Variants in SULT2B1 observed in about 807,000 individuals in gnomAD.
SULT2B1 encodes the protein sulfotransferase 2B1.
In SULT2B1, 16 loss-of-function variants were observed where a neutral mutation model predicts 33.2. The ratio of observed to expected loss-of-function variants is 0.48; its 90% CI spans 0.33 to 0.73. The LOEUF (loss-of-function observed/expected upper bound fraction) is 0.73, where lower values mean the gene tolerates loss of function less well. SULT2B1 is among the 30% of genes least tolerant of loss of function. The pLI is 0.02. For missense variants in SULT2B1, 500 were observed against 506.0 expected, an observed-to-expected ratio of 0.99 and a Z score of 0.11; for synonymous variants, 186 against 200.5, an observed-to-expected ratio of 0.93 and a Z score of 0.61.
intron 3 of SULT2B1, among the ~76,000 whole-genome samples, chr19:48,590,926 C>T (rs1307266294): frequency 6.6e-6 from 1 of 151,930 alleles, no homozygotes; most frequent in Non-Finnish European, 1.5e-5. Context: ...CTCGACCTCC[C>T]GGGCTCAAGT....
At chr19:48,591,842 A>G in intron 4 of SULT2B1, 107 bp downstream of exon 4, 1 of 1,346,678 alleles carries the variant, frequency 7.4e-7, no homozygotes, top group Non-Finnish European at 9.8e-7. Context: ...ACAGAGACAC[A>G]GGGCATCAAA....
chr19:48,598,735 T>A (rs550400043), intron 6 of SULT2B1, among the ~76,000 whole-genome samples: 2 of 151,890 alleles, frequency 1.3e-5, no homozygotes, highest in African/African-American at 4.8e-5. Context: ...CATGGAGCGT[T>A]GTGGGGGCAT....
intron 1 of SULT2B1, among the ~76,000 whole-genome samples, chr19:48,563,192 G>A (rs1973202517): frequency 6.6e-6 from 1 of 152,094 alleles, no homozygotes; most frequent in African/African-American, 2.4e-5. Flanking sequence ...TAGGATTACA[G>A]GGGACTGAGC....
At chr19:48,583,521 AAAGG>A (rs1382017884) in intron 2 of SULT2B1, among the ~76,000 whole-genome samples, 2 of 152,232 alleles carry the variant, frequency 1.3e-5, no homozygotes, top group Admixed American at 6.6e-5. Flanking sequence ...TCAGCTGTAA[AAAGG>A]AAGGAAATTC....
chr19:48,587,896 A>C (rs1973588746), intron 3 of SULT2B1, among the ~76,000 whole-genome samples: 5 of 7,070 alleles, frequency 7.1e-4, no homozygotes, highest in South Asian at 5.0e-3. Context: ...GTCTCAAAAA[A>C]AAAAAAAAAA....
chr19:48,577,588 TCTCTTGAC>T (rs1231035909), intron 2 of SULT2B1, among the ~76,000 whole-genome samples: 1 of 151,590 alleles, frequency 6.6e-6, no homozygotes, highest in African/African-American at 2.4e-5. Context: ...ATGGTCTTGA[TCTCTTGAC>T]CTCTTGATCT....
intron 3 of SULT2B1, among the ~76,000 whole-genome samples, chr19:48,587,814 G>A (rs566496669): frequency 1.5e-5 from 2 of 137,218 alleles, no homozygotes; most frequent in South Asian, 4.7e-4. Flanking sequence ...GATCACTTGA[G>A]CCCAGCAGGT....
chr19:48,588,620 T>C (rs1435523000), intron 3 of SULT2B1, among the ~76,000 whole-genome samples: 3 of 149,964 alleles, frequency 2.0e-5, no homozygotes, highest in Admixed American at 6.7e-5. Context: ...AATAACATAA[T>C]GCAATATAAT....
At chr19:48,576,215 C>A (rs1973404182) in intron 2 of SULT2B1, 132 bp downstream of exon 2, 2 of 746,948 alleles carry the variant, frequency 2.7e-6, no homozygotes, top group Non-Finnish European at 4.2e-6. Flanking sequence ...GGTGCCCCTG[C>A]CAGAAGTAGC....
intron 3 of SULT2B1, 85 bp from the exon 4 acceptor site, chr19:48,591,524 G>A: frequency 6.8e-7 from 1 of 1,468,326 alleles, no homozygotes; most frequent in Admixed American, 2.2e-5. Context: ...TCAGAAGAGA[G>A]GGGTCTCCAG....
intron 3 of SULT2B1, among the ~76,000 whole-genome samples, chr19:48,589,686 G>A (rs1973617611): frequency 6.6e-6 from 1 of 152,212 alleles, no homozygotes; most frequent in South Asian, 2.1e-4. Flanking sequence ...AGGGGGCCGG[G>A]CGCGGTGGCT....
At chr19:48,588,846 G>T (rs1314697068) in intron 3 of SULT2B1, among the ~76,000 whole-genome samples, 2 of 152,086 alleles carry the variant, frequency 1.3e-5, no homozygotes, top group South Asian at 4.2e-4. Context: ...CCCTGAGGTG[G>T]GTGTATCTGA....
chr19:48,566,545 A>G (rs1973245100), intron 1 of SULT2B1, among the ~76,000 whole-genome samples: 1 of 152,152 alleles, frequency 6.6e-6, no homozygotes, highest in South Asian at 2.1e-4. Context: ...TAAAAATACA[A>G]AAATTCGAGG....
chr19:48,596,955 A>G, intron 6 of SULT2B1, 36 bp downstream of exon 6: 1 of 1,533,550 alleles, frequency 6.5e-7, no homozygotes, highest in Non-Finnish European at 8.7e-7. Flanking sequence ...CCACTAGGCC[A>G]CTGCCCGGCT....
intron 1 of SULT2B1, among the ~76,000 whole-genome samples, chr19:48,554,463 C>T (rs1402064979): frequency 1.6e-4 from 22 of 141,886 alleles, no homozygotes; most frequent in Non-Finnish European, 3.1e-4. Context: ...GACTCTCTGC[C>T]CTGGTTCTTC....
chr19:48,556,030 G>T, intron 1 of SULT2B1, among the ~76,000 whole-genome samples: 1 of 152,166 alleles, frequency 6.6e-6, no homozygotes, highest in East Asian at 1.9e-4. Context: ...GTGAGCCACC[G>T]CGCCCGGCCT....
intron 5 of SULT2B1, chr19:48,595,826 C>A (rs1045493444): frequency 1.3e-5 from 2 of 152,100 alleles, no homozygotes; most frequent in African/African-American, 4.8e-5. Flanking sequence ...GCCACCACAC[C>A]CAGCTAATTT....
intron 1 of SULT2B1, among the ~76,000 whole-genome samples, chr19:48,565,476 T>A (rs1973232733): frequency 6.6e-6 from 1 of 151,426 alleles, no homozygotes. Flanking sequence ...ACCTCCCAGA[T>A]TCAAGCGATT....
At chr19:48,565,500 C>T (rs759033582) in intron 1 of SULT2B1, among the ~76,000 whole-genome samples, 1 of 151,932 alleles carries the variant, frequency 6.6e-6, no homozygotes, top group Non-Finnish European at 1.5e-5. Flanking sequence ...CTGCCTCAGC[C>T]TCCCGAGTAG....
Sources: gnomAD v4.1 joint callset for allele counts (sites outside exome capture counted in the v4.1 genomes callset) on GRCh38, gnomAD v4.1.1 for gene constraint, MANE v1.5 for transcripts, NCBI Gene and HGNC (gene_info 2026-07-23, HGNC 2026-07-21) for gene names.